TRIM6: variants seen among roughly 807,000 people sequenced by gnomAD.
The protein encoded by TRIM6 is tripartite motif-containing protein 6.
A neutral mutation model predicts 51.2 loss-of-function variants in TRIM6; 43 were observed. The observed-to-expected ratio is 0.84, with a 90% CI of 0.66 to 1.08. The LOEUF (loss-of-function observed/expected upper bound fraction) is 1.08, where lower values mean the gene tolerates loss of function less well. Ranked by LOEUF, TRIM6 falls within the 50% of genes least tolerant of loss-of-function variation. The probability of loss-of-function intolerance (pLI) is 0.00; values close to 1 mark genes in which losing one functional copy is unlikely to be tolerated. For missense variants in TRIM6, 669 were observed against 619.0 expected (o/e 1.08, Z -0.86); for synonymous variants, 215 against 232.4 (o/e 0.93, Z 0.68).
chr11:5,599,864 G>A (rs1308129940), intron 1 of TRIM6, among the ~76,000 whole-genome samples: 1 of 152,124 alleles, frequency 6.6e-6, no homozygotes, highest in Non-Finnish European at 1.5e-5. Flanking sequence ...CAGTGCTAAG[G>A]TCTGGGGCAC....
rs1397782644 is a variant in TRIM6, at chr11:5,611,685, G to C, written c.*343G>C. 2 of 223,986 alleles carry C rather than the reference G, an allele frequency of 8.9e-6. No individual in the cohort carries two copies. The highest frequency in any genetic ancestry group is 1.5e-4 in the South Asian group (2 of 13,610). 13.9% of individuals were successfully genotyped at this position (223,986 alleles called of 1,614,324 possible). A position where few individuals can be genotyped will look rare whatever the true frequency, so the allele number is the denominator to read the frequency against. ...CCAGGCTGATCTCGAACTCCTGACCGCAAGTGATCCACCCGCCTCGGTCTC... is the reference window on the plus strand; with the variant it reads ...CCAGGCTGATCTCGAACTCCTGACCCCAAGTGATCCACCCGCCTCGGTCTC... On this transcript the variant is annotated 3_prime_UTR_variant, in exon 8 of 8. Coordinates refer to ENST00000380097, the MANE Select transcript of TRIM6 (RefSeq NM_001003818.3).
intron 1 of TRIM6, 71 bp from the exon 2 acceptor site, chr11:5,603,175 G>A (rs1000756370): frequency 1.2e-5 from 18 of 1,553,038 alleles, no homozygotes; most frequent in Admixed American, 1.9e-5. Flanking sequence ...ATCCAGGACT[G>A]GGCAGTCAGT....
chr11:5,605,885 G>C (rs1430133636), intron 4 of TRIM6, among the ~76,000 whole-genome samples: 1 of 152,102 alleles, frequency 6.6e-6, no homozygotes, highest in Admixed American at 6.6e-5. Context: ...TACATTTCTG[G>C]CTGGATAATT....
At chr11:5,604,190 G>T (rs1266272007) in intron 2 of TRIM6, among the ~76,000 whole-genome samples, 1 of 151,828 alleles carries the variant, frequency 6.6e-6, no homozygotes, top group Non-Finnish European at 1.5e-5. Flanking sequence ...GTGTGTGTGT[G>T]TTTAGTAGAG....
chr11:5,603,857 CTG>C, intron 2 of TRIM6, 122 bp downstream of exon 2: 1 of 1,449,778 alleles, frequency 6.9e-7, no homozygotes, highest in Admixed American at 2.8e-5. Context: ...AACCTGGAAA[CTG>C]CCTCCCTGAT....
Position 5,612,937 on chromosome 11 carries a change from T to C in TRIM6, c.*1595T>C, listed in dbSNP as rs193128575. 2 of 152,356 alleles carry C rather than the reference T, an allele frequency of 1.3e-5. No individual in the cohort carries two copies. Among genetic ancestry groups the C allele is most frequent in the East Asian group, 3.9e-4 (2 of 5,194 alleles). 9.4% of individuals were successfully genotyped at this position (152,356 alleles called of 1,614,324 possible). On this transcript the variant is annotated 3_prime_UTR_variant, in exon 8 of 8. Transcript: ENST00000380097. ...GTTGGCTCTATTGGATTAAATAAAG[T>C]ATGTTATTCATTTTACCTGTTTCAT...
chr11:5,603,224 T>C, intron 1 of TRIM6, 22 bp from the exon 2 acceptor site: 1 of 1,603,060 alleles, frequency 6.2e-7, no homozygotes, highest in East Asian at 2.2e-5. Flanking sequence ...CTGATCCTTT[T>C]TTTGTTTGTT....
chr11:5,598,130 A>G (rs764149079), intron 1 of TRIM6, among the ~76,000 whole-genome samples: 1 of 151,996 alleles, frequency 6.6e-6, no homozygotes, highest in East Asian at 1.9e-4. Context: ...TCTCGTCTGC[A>G]CTCCTCACAG....
chr11:5,603,205 T>G, intron 1 of TRIM6, 41 bp from the exon 2 acceptor site: 2 of 1,583,630 alleles, frequency 1.3e-6, no homozygotes, highest in Non-Finnish European at 1.7e-6. Context: ...TTCTCCCTCC[T>G]TTCTTACCCT....
chr11:5,602,455 T>A (rs996366933), intron 1 of TRIM6, among the ~76,000 whole-genome samples: 3 of 151,034 alleles, frequency 2.0e-5, no homozygotes, highest in African/African-American at 7.3e-5. Context: ...GGTGAATATG[T>A]GGAGAGTGAT....
Position 5,611,393 on chromosome 11 carries a change from C to T in TRIM6, c.*51C>T. 7.5e-7 allele frequency: 1 copy of T among 1,334,264 alleles called. No homozygotes were observed. The allele number at this position is 1,334,264 out of a possible 1,614,324, so 82.7% of individuals were successfully genotyped here. On this transcript the variant is annotated 3_prime_UTR_variant, in exon 8 of 8. Coordinates refer to ENST00000380097, the MANE Select transcript of TRIM6 (RefSeq NM_001003818.3). Reference sequence around the variant, plus strand: ...TGATAAGTACCCTGAGGCTTATCAGCATGTGATTCTCCCTTCTGATCTTCT... The same window carrying T: ...TGATAAGTACCCTGAGGCTTATCAGTATGTGATTCTCCCTTCTGATCTTCT...
chr11:5,598,608 T>C (rs1847623716), intron 1 of TRIM6, among the ~76,000 whole-genome samples: 1 of 152,090 alleles, frequency 6.6e-6, no homozygotes, highest in Non-Finnish European at 1.5e-5. Flanking sequence ...ATTAATAAGA[T>C]CCTTTAACTT....
At chr11:5,599,327 G>A (rs1564861131) in intron 1 of TRIM6, among the ~76,000 whole-genome samples, 1 of 152,078 alleles carries the variant, frequency 6.6e-6, no homozygotes, top group Non-Finnish European at 1.5e-5. Flanking sequence ...GTGTTTGTTG[G>A]GGAGGATGAA....
Position 5,611,464 on chromosome 11 carries a change from TC to T in TRIM6, c.*123del. 1.0e-6 allele frequency: 1 copy of T among 953,114 alleles called. No homozygotes were observed. The highest frequency in any genetic ancestry group is 1.6e-6 in the Non-Finnish European group (1 of 631,372). 59.0% of individuals were successfully genotyped at this position (953,114 alleles called of 1,614,324 possible). On this transcript the variant is annotated 3_prime_UTR_variant, in exon 8 of 8. Transcript: ENST00000380097. ...CTTTTGTTGTTTTTTGGTTTTTGAA[TC>T]TTTTTTGAGATGGAATCTCGCTCTG...
At chr11:5,608,455 G>T in intron 5 of TRIM6, 61 bp downstream of exon 5, 2 of 1,605,172 alleles carry the variant, frequency 1.2e-6, no homozygotes, top group South Asian at 2.2e-5. Context: ...CTTTACCCAT[G>T]ATCAGTGGGA....
At position 5,596,785 on chromosome 11, in the gene TRIM6, A is replaced by C. The variant is rs1170510722; in HGVS notation, c.-113A>C. ...CGTGGTTGAGTTTAGATAAAAGCCGAGTGAGCGCGCTCTGTTCCTTAAGAT... is the reference window on the plus strand; with the variant it reads ...CGTGGTTGAGTTTAGATAAAAGCCGCGTGAGCGCGCTCTGTTCCTTAAGAT... On this transcript the variant is annotated 5_prime_UTR_variant, in exon 1 of 8. Coordinates refer to ENST00000380097, the MANE Select transcript of TRIM6 (RefSeq NM_001003818.3). 2 of 1,551,756 alleles carry C rather than the reference A, an allele frequency of 1.3e-6. No homozygotes were observed. Among genetic ancestry groups the C allele is most frequent in the Non-Finnish European group, 1.8e-6 (2 of 1,128,012 alleles).
At chr11:5,599,238 T>C (rs1434097981) in intron 1 of TRIM6, among the ~76,000 whole-genome samples, 1 of 152,224 alleles carries the variant, frequency 6.6e-6, no homozygotes, top group Non-Finnish European at 1.5e-5. Context: ...ATTACTACAT[T>C]GCATTTATGA....
At position 5,612,779 on chromosome 11, in the gene TRIM6, T is replaced by C. The variant is rs968097099; in HGVS notation, c.*1437T>C. On this transcript the variant is annotated 3_prime_UTR_variant, in exon 8 of 8. Transcript: ENST00000380097. ...GGAGCCACCAATGTCTGTTGAGTAC[T>C]TCATACATGCCTAGTCTGAATTGAG... 1 of 152,246 alleles carries C rather than the reference T, an allele frequency of 6.6e-6. No individual in the cohort carries two copies. Among genetic ancestry groups the C allele is most frequent in the African/African-American group, 2.4e-5 (1 of 41,460 alleles). 9.4% of individuals were successfully genotyped at this position (152,246 alleles called of 1,614,324 possible). A position where few individuals can be genotyped will look rare whatever the true frequency, so the allele number is the denominator to read the frequency against.
Position 5,605,477 on chromosome 11 carries a change from G to C in TRIM6, c.744G>C (p.Glu248Asp). 6.2e-7 allele frequency: 1 copy of C among 1,614,222 alleles called. No individual in the cohort carries two copies. Among genetic ancestry groups the C allele is most frequent in the South Asian group, 1.1e-5 (1 of 91,084 alleles). ...GGCTACGAATTATAGAAGAGGCTGA[G>C]AATGATCTGGTCCACCAGACCCAGT... is the stretch of plus-strand genomic sequence containing the variant. ...KKGLRIIEEA[E>D]NDLVHQTQSL... The change falls in exon 4 of 8, where the codon GAG becomes GAC. Residue 248 changes from glutamate (E) to aspartate (D), a missense_variant. By Grantham distance (45) the Glu-to-Asp change is conservative. Transcript: ENST00000380097.
Sources: gnomAD v4.1 joint callset for allele counts (sites outside exome capture counted in the v4.1 genomes callset) on GRCh38, gnomAD v4.1.1 for gene constraint, MANE v1.5 for transcripts, NCBI Gene and HGNC (gene_info 2026-07-23, HGNC 2026-07-21) for gene names.